RNF216: variants seen among roughly 807,000 people sequenced by gnomAD.
RNF216 encodes the protein ring finger protein 216, also known as E3 ubiquitin-protein ligase RNF216.
Under a neutral mutation model 110.8 loss-of-function variants are expected in RNF216, and 72 were observed. The ratio of observed to expected loss-of-function variants is 0.65; its 90% CI spans 0.54 to 0.79. RNF216 has a LOEUF of 0.79. RNF216 is among the 30% of genes least tolerant of loss of function. The pLI is 0.00. For missense variants in RNF216, 1,342 were observed against 1,141.2 expected (o/e 1.18, Z -2.54); for synonymous variants, 495 against 407.5 (o/e 1.21, Z -2.59).
At chr7:5,628,953 T>C (rs1786886827) in intron 15 of RNF216, among the ~76,000 whole-genome samples, 1 of 152,012 alleles carries the variant, frequency 6.6e-6, no homozygotes, top group African/African-American at 2.4e-5. Flanking sequence ...TCCCAGCACT[T>C]TGGGAGTTCG....
intron 13 of RNF216, among the ~76,000 whole-genome samples, chr7:5,656,043 C>T (rs1453036568): frequency 1.3e-5 from 2 of 151,960 alleles, no homozygotes; most frequent in African/African-American, 4.8e-5. Flanking sequence ...CTGAGGGGAG[C>T]GGATTACCTG....
At chr7:5,641,131 T>G in intron 15 of RNF216, 23 bp downstream of exon 15, 1 of 1,526,076 alleles carries the variant, frequency 6.6e-7, no homozygotes, top group Non-Finnish European at 9.1e-7. Flanking sequence ...TATAAAGCAA[T>G]AGGCAGCCAT....
chr7:5,757,768 GGAGT>G (rs1411348892), intron 2 of RNF216, among the ~76,000 whole-genome samples: 5 of 152,190 alleles, frequency 3.3e-5, no homozygotes, highest in African/African-American at 1.2e-4. Flanking sequence ...GAATCTTTTT[GGAGT>G]GATAGAAAAT....
chr7:5,767,858 CA>C (rs992196884), intron 1 of RNF216, among the ~76,000 whole-genome samples: 3 of 152,106 alleles, frequency 2.0e-5, no homozygotes, highest in African/African-American at 7.2e-5. Flanking sequence ...TTTGGCCTCC[CA>C]AAGTACTGGG....
chr7:5,725,874 T>C (rs1793722476), intron 7 of RNF216, among the ~76,000 whole-genome samples: 1 of 146,898 alleles, frequency 6.8e-6, no homozygotes, highest in Admixed American at 6.8e-5. Flanking sequence ...TAGGCAGTGG[T>C]AAAATAAATA....
chr7:5,720,389 C>G (rs1054483396), intron 9 of RNF216, among the ~76,000 whole-genome samples: 1 of 152,168 alleles, frequency 6.6e-6, no homozygotes, highest in African/African-American at 2.4e-5. Flanking sequence ...AACGTTTTCT[C>G]TAGCTTACCT....
At position 5,622,514 on chromosome 7, in the gene RNF216, G is replaced by T. The variant is rs1024276137; in HGVS notation, c.*346C>A. On this transcript the variant is annotated 3_prime_UTR_variant, in exon 17 of 17. Transcript: ENST00000389902. ...GCTCTCGGCTGCCTTGCTACCCAGG[G>T]GTCGGCTCCGAGGAGAGGCCCAGGT... The T allele has an allele frequency of 3.6e-5, 8 of 223,416 alleles. No individual in the cohort carries two copies. The highest frequency in any genetic ancestry group is 7.0e-5 in the Non-Finnish European group (8 of 114,576). 13.8% of individuals were successfully genotyped at this position (223,416 alleles called of 1,614,324 possible). A position where few individuals can be genotyped will look rare whatever the true frequency, so the allele number is the denominator to read the frequency against.
intron 11 of RNF216, among the ~76,000 whole-genome samples, chr7:5,713,612 C>A (rs920946711): frequency 6.6e-6 from 1 of 152,202 alleles, no homozygotes; most frequent in East Asian, 1.9e-4. Flanking sequence ...CTCCTATGCA[C>A]CTAGAGTCAA....
chr7:5,752,864 A>G lies in RNF216; in HGVS notation c.183T>C (p.Asp61=), dbSNP rs750422168. 4 of 1,612,034 alleles carry G rather than the reference A, an allele frequency of 2.5e-6. No homozygotes were observed. The highest frequency in any genetic ancestry group is 3.4e-6 in the Non-Finnish European group (4 of 1,179,222). The change falls in exon 3 of 17, where the codon GAT becomes GAC. Residue 61 remains aspartate, a synonymous_variant. Coordinates refer to ENST00000389902, the MANE Select transcript of RNF216 (RefSeq NM_207111.4). ...AACTCACTTCTGTCAGGATGACATC[A>G]TCATCCAGGTCCTCTTCTTCATGCT... The part of the protein sequence containing the change: ...PQQHEEEDLD[D]DVILTETNKP...
chr7:5,635,873 T>A (rs147896131), intron 15 of RNF216, among the ~76,000 whole-genome samples: 1 of 152,222 alleles, frequency 6.6e-6, no homozygotes, highest in Admixed American at 6.5e-5. Context: ...TAGGCGATAA[T>A]TGTACCAAAT....
At chr7:5,731,200 T>C (rs1271639095) in intron 5 of RNF216, among the ~76,000 whole-genome samples, 1 of 152,230 alleles carries the variant, frequency 6.6e-6, no homozygotes, top group Admixed American at 6.5e-5. Flanking sequence ...AGTGGAAAAC[T>C]GTGTGTTCAC....
chr7:5,644,021 C>T (rs770706076), intron 14 of RNF216, among the ~76,000 whole-genome samples: 2 of 152,180 alleles, frequency 1.3e-5, no homozygotes, highest in African/African-American at 2.4e-5. Context: ...TGTATCGATA[C>T]TTCATTCCTT....
rs369778446 is a variant in RNF216, at chr7:5,624,155, C to T, written c.2383-30G>A. ...AACGCAAGCAATGAGAAGGATGAAC[C>T]TGTAGCTTCATGCAGTGCTGAGGCC... On this transcript the variant is annotated intron_variant, in intron 15 of 16. Coordinates refer to ENST00000389902, the MANE Select transcript of RNF216 (RefSeq NM_207111.4). This position sits in a 1 kb window ranked among gnomAD's most constrained non-coding sequence, Gnocchi z 4.4. 1.9e-6 allele frequency: 3 copies of T among 1,599,690 alleles called. No individual in the cohort carries two copies. Among genetic ancestry groups the T allele is most frequent in the East Asian group, 2.2e-5 (1 of 44,812 alleles).
intron 13 of RNF216, among the ~76,000 whole-genome samples, chr7:5,675,139 G>A (rs543381625): frequency 2.0e-5 from 3 of 152,134 alleles, no homozygotes; most frequent in Middle Eastern, 3.2e-3. Flanking sequence ...ATAATGGCAG[G>A]GAACAATGTA....
chr7:5,652,178 T>G (rs1018933655), intron 14 of RNF216, among the ~76,000 whole-genome samples: 37 of 152,204 alleles, frequency 2.4e-4, no homozygotes, highest in Non-Finnish European at 1.8e-4. Flanking sequence ...GACCATCATT[T>G]ATTGAATTCA....
chr7:5,717,112 G>C (rs1393709071), intron 9 of RNF216, among the ~76,000 whole-genome samples: 3 of 152,196 alleles, frequency 2.0e-5, no homozygotes, highest in African/African-American at 7.2e-5. Flanking sequence ...CCAGCACTTT[G>C]GAAGGCCGAG....
Position 5,624,178 on chromosome 7 carries a change from G to A in RNF216, c.2383-53C>T, listed in dbSNP as rs559249805. The A allele has an allele frequency of 6.6e-7, 1 of 1,509,130 alleles. No individual in the cohort carries two copies. The highest frequency in any genetic ancestry group is 1.1e-5 in the South Asian group (1 of 87,506). 93.5% of individuals were successfully genotyped at this position (1,509,130 alleles called of 1,614,324 possible). A position where few individuals can be genotyped will look rare whatever the true frequency, so the allele number is the denominator to read the frequency against. ...ACCTGTAGCTTCATGCAGTGCTGAG[G>A]CCCCGTGGGACAGTGAGGAGGCCGC... On this transcript the variant is annotated intron_variant, in intron 15 of 16. Transcript: ENST00000389902. The surrounding 1 kb of genome is among the most constrained non-coding windows in gnomAD (Gnocchi z 4.4).
At chr7:5,650,552 G>C (rs1788326420) in intron 14 of RNF216, among the ~76,000 whole-genome samples, 1 of 152,106 alleles carries the variant, frequency 6.6e-6, no homozygotes, top group Admixed American at 6.5e-5. Context: ...GAATTCAGTT[G>C]AGGTTGTAGG....
In RNF216 at chr7:5,715,146, T is replaced by G. The variant is rs367660553; in HGVS notation, c.1740A>C (p.Pro580=). ...IECRCCYGEF[P]FEELTQCADA... ...CTGCGCACTGCGTCAGCTCCTCGAA[T>G]GGAAATTCCCCATAGCAGCAGCGAC... is the stretch of plus-strand genomic sequence containing the variant. The change falls in exon 11 of 17, where the codon CCA becomes CCC. Residue 580 remains proline, a synonymous_variant. Coordinates refer to ENST00000389902, the MANE Select transcript of RNF216 (RefSeq NM_207111.4). 2 of 1,613,904 alleles carry G rather than the reference T, an allele frequency of 1.2e-6. No homozygotes were observed. Among genetic ancestry groups the G allele is most frequent in the Non-Finnish European group, 1.7e-6 (2 of 1,180,022 alleles).
Sources: allele counts gnomAD v4.1 joint callset (sites outside exome capture counted in the v4.1 genomes callset), GRCh38; gene constraint gnomAD v4.1.1; non-coding constraint Gnocchi (gnomAD v3.1); transcripts MANE v1.5; gene names NCBI Gene and HGNC (gene_info 2026-07-23, HGNC 2026-07-21).